Variants in GPD2 observed in about 807,000 individuals in gnomAD.
GPD2 encodes the protein glycerol-3-phosphate dehydrogenase 2, also known as glycerol-3-phosphate dehydrogenase, mitochondrial.
Under a neutral mutation model 82.4 loss-of-function variants are expected in GPD2, and 54 were observed. That is an observed-to-expected ratio of 0.66 (90% confidence interval 0.53 to 0.82). The LOEUF is 0.82. Ranked by LOEUF, GPD2 falls within the 40% of genes least tolerant of loss-of-function variation. The pLI, the probability that GPD2 is intolerant of heterozygous loss-of-function variation, is 0.00. For synonymous variants in GPD2, 288 were observed against 306.1 expected (o/e 0.94, Z 0.62); for missense variants, 748 against 896.2 (o/e 0.83, Z 2.11).
chr2:156,557,923 T>A (rs1232835849), intron 9 of GPD2, among the ~76,000 whole-genome samples: 2 of 152,210 alleles, frequency 1.3e-5, no homozygotes, highest in Non-Finnish European at 2.9e-5. Flanking sequence ...AATGTCTAAT[T>A]TACAGATGCA....
chr2:156,404,382 G>A, the GPD2 span, among the ~76,000 whole-genome samples: 4 of 151,994 alleles, frequency 2.6e-5, no homozygotes, highest in African/African-American at 9.7e-5. Context: ...GCAAGACCAT[G>A]TCTCTAAAAA....
intron 1 of GPD2, among the ~76,000 whole-genome samples, chr2:156,438,880 A>G (rs770673679): frequency 1.6e-4 from 24 of 152,264 alleles, no homozygotes; most frequent in Non-Finnish European, 3.1e-4. Context: ...AGACCAACAT[A>G]AGACCTCGTA....
At chr2:156,494,270 C>T (rs1172173612) in intron 2 of GPD2, among the ~76,000 whole-genome samples, 1 of 152,150 alleles carries the variant, frequency 6.6e-6, no homozygotes, top group South Asian at 2.1e-4. Flanking sequence ...ATAACAGCAA[C>T]AACTCTGGTG....
intron 1 of GPD2, among the ~76,000 whole-genome samples, chr2:156,471,062 C>T (rs1387545770): frequency 6.6e-6 from 1 of 152,150 alleles, no homozygotes; most frequent in Non-Finnish European, 1.5e-5. Context: ...TTCCTTAAAC[C>T]TGCTTCTCTT....
At chr2:156,434,040 A>G (rs1015457543), upstream of GPD2, among the ~76,000 whole-genome samples, 5 of 152,210 alleles carry the variant, frequency 3.3e-5, no homozygotes, top group African/African-American at 1.2e-4. Context: ...TTGTCAAACT[A>G]AAGAAAAAAG....
chr2:156,528,772 C>A (rs1685712277), intron 6 of GPD2, among the ~76,000 whole-genome samples: 1 of 151,854 alleles, frequency 6.6e-6, no homozygotes, highest in Non-Finnish European at 1.5e-5. Flanking sequence ...GTGATCTCAT[C>A]ATTTTTTATG....
chr2:156,541,824 G>GTTTTTTT (rs61067726), intron 6 of GPD2, among the ~76,000 whole-genome samples: 2,900 of 80,804 alleles, frequency 0.036, 131 homozygotes, highest in Non-Finnish European at 0.043. Flanking sequence ...AATGCTGTTT[G>GTTTTTTT]TTTTTTTTTT....
At chr2:156,523,372 G>A (rs752839618) in intron 6 of GPD2, among the ~76,000 whole-genome samples, 14 of 151,926 alleles carry the variant, frequency 9.2e-5, no homozygotes, top group Non-Finnish European at 1.5e-4. Flanking sequence ...TTTTAAGTTC[G>A]TTATACACTT....
chr2:156,549,626 G>C lies in GPD2; in HGVS notation c.680G>C (p.Arg227Pro). ...VYYDGQHNDA[R>P]MNLAIALTAA... Reference sequence around the variant, plus strand: ...GCTGCAGGACAACATAACGATGCACGGATGAACCTTGCCATTGCTCTGACT... The same window carrying C: ...GCTGCAGGACAACATAACGATGCACCGATGAACCTTGCCATTGCTCTGACT... Residue 227 changes from arginine (R) to proline (P), a missense_variant, in exon 7 of 17, where the codon CGG becomes CCG. Arg to Pro is a moderately radical substitution (Grantham distance 103). Transcript: ENST00000438166. 6.2e-7 allele frequency: 1 copy of C among 1,614,026 alleles called. No individual in the cohort carries two copies. The highest frequency in any genetic ancestry group is 8.5e-7 in the Non-Finnish European group (1 of 1,179,924).
At chr2:156,534,945 A>G (rs570141922) in intron 6 of GPD2, among the ~76,000 whole-genome samples, 2 of 152,292 alleles carry the variant, frequency 1.3e-5, no homozygotes, top group South Asian at 4.1e-4. Context: ...TTCCTTAAGT[A>G]AGTAATGCTT....
At chr2:156,560,790 T>C (rs1334874290) in intron 9 of GPD2, among the ~76,000 whole-genome samples, 3 of 152,146 alleles carry the variant, frequency 2.0e-5, no homozygotes, top group Non-Finnish European at 2.9e-5. Context: ...GCTGATGAAA[T>C]GTGAAAGAGA....
the GPD2 span, among the ~76,000 whole-genome samples, chr2:156,422,319 A>G: frequency 6.6e-6 from 1 of 152,190 alleles, no homozygotes; most frequent in Non-Finnish European, 1.5e-5. Flanking sequence ...AATCAACTGG[A>G]CAAGGAAACA....
At chr2:156,480,244 C>G (rs1314532177) in intron 2 of GPD2, among the ~76,000 whole-genome samples, 1 of 152,008 alleles carries the variant, frequency 6.6e-6, no homozygotes. Flanking sequence ...AACAAGTAAA[C>G]CTTTTTGAGC....
chr2:156,553,872 T>G (rs1047561005), intron 8 of GPD2, among the ~76,000 whole-genome samples: 2 of 152,216 alleles, frequency 1.3e-5, no homozygotes, highest in Non-Finnish European at 2.9e-5. Context: ...TTAGGTCTCC[T>G]GAAGCATGAA....
chr2:156,487,301 G>C (rs1237245205), intron 2 of GPD2, among the ~76,000 whole-genome samples: 1 of 151,952 alleles, frequency 6.6e-6, no homozygotes, highest in African/African-American at 2.4e-5. Flanking sequence ...AACATGGTGA[G>C]ACTCTGTCTC....
At chr2:156,493,736 C>G (rs1684264995) in intron 2 of GPD2, among the ~76,000 whole-genome samples, 2 of 152,068 alleles carry the variant, frequency 1.3e-5, no homozygotes, top group Admixed American at 1.3e-4. Context: ...AGCAATCTTT[C>G]TGATGTGTGA....
At chr2:156,418,836 G>A in the GPD2 span, among the ~76,000 whole-genome samples, 1 of 152,032 alleles carries the variant, frequency 6.6e-6, no homozygotes, top group Non-Finnish European at 1.5e-5. Flanking sequence ...ACATTGTCTT[G>A]TGAAAGTTTC....
chr2:156,447,643 A>G (rs1404273293), intron 1 of GPD2, among the ~76,000 whole-genome samples: 7 of 152,078 alleles, frequency 4.6e-5, no homozygotes, highest in South Asian at 2.1e-4. Flanking sequence ...TGCTCTTGTT[A>G]TGATTATGAG....
At chr2:156,566,611 A>G (rs1297357930) in intron 9 of GPD2, among the ~76,000 whole-genome samples, 2 of 152,084 alleles carry the variant, frequency 1.3e-5, no homozygotes, top group South Asian at 2.1e-4. Flanking sequence ...TTGTTTATTC[A>G]TCTGTTGATG....
Sources: allele counts gnomAD v4.1 joint callset (sites outside exome capture counted in the v4.1 genomes callset), GRCh38; gene constraint gnomAD v4.1.1; transcripts MANE v1.5; gene names NCBI Gene and HGNC (gene_info 2026-07-23, HGNC 2026-07-21).